GAS7: variants seen among roughly 807,000 people sequenced by gnomAD.
The protein encoded by GAS7 is growth arrest-specific protein 7.
GAS7 carries 28 observed loss-of-function variants against 71.1 expected under a neutral mutation model. That is an observed-to-expected ratio of 0.39 (90% CI 0.29 to 0.54). The LOEUF is 0.54. Ranked by LOEUF, GAS7 falls within the 20% of genes least tolerant of loss-of-function variation. The pLI, the probability that GAS7 is intolerant of heterozygous loss-of-function variation, is 0.62. For synonymous variants in GAS7, 258 were observed against 245.8 expected, an observed-to-expected ratio of 1.05 and a Z score of -0.46; for missense variants, 436 against 627.8, an observed-to-expected ratio of 0.69 and a Z score of 3.27.
rs1482702186 is a variant in GAS7 at position 10,041,174 on chromosome 17, A to AG, written c.184-21278_184-21277insC. On this transcript the variant is annotated intron_variant, in intron 1 of 13. Coordinates refer to ENST00000432992, the MANE Select transcript of GAS7 (RefSeq NM_201433.2). ...AAGACTGCCTAAAAAAAAAAAAAAAAAAGAAGAAGGTAAAAGCAAAACTTC... is the reference window on the plus strand; with the variant it reads ...AAGACTGCCTAAAAAAAAAAAAAAAAGAAGAAGAAGGTAAAAGCAAAACTTC... Among the ~76,000 whole-genome samples, 14 of 151,134 alleles carry AG rather than the reference A, an allele frequency of 9.3e-5. No individual in the cohort carries two copies. The East Asian group carries it at 1.2e-3, about 13-fold the overall frequency.
intron 1 of GAS7, among the ~76,000 whole-genome samples, chr17:10,180,850 A>G (rs2074408778): frequency 6.6e-6 from 1 of 152,052 alleles, no homozygotes; most frequent in Admixed American, 6.6e-5. Flanking sequence ...CATCGGCACC[A>G]TGAATGTCAG....
At chr17:10,101,352 C>G (rs1249489497) in intron 1 of GAS7, among the ~76,000 whole-genome samples, 6 of 152,226 alleles carry the variant, frequency 3.9e-5, no homozygotes, top group Admixed American at 3.9e-4. Context: ...GGACAGCCAA[C>G]CAGCAAGCAG....
Position 9,957,648 on chromosome 17 carries a change from A to G in GAS7, c.525+1554T>C, listed in dbSNP as rs1597543523. Among the ~76,000 whole-genome samples the G allele has an allele frequency of 2.9e-5, 4 of 138,294 alleles. No homozygotes were observed. In the South Asian group the frequency reaches 9.2e-4, roughly 32 times the overall value. 90.7% of individuals were successfully genotyped at this position (138,294 alleles called of 152,430 possible). On this transcript the variant is annotated intron_variant, in intron 5 of 13. Coordinates refer to ENST00000432992, the MANE Select transcript of GAS7 (RefSeq NM_201433.2). ...TGGAGAGCTCCTGCTGTGCCCCAGC[A>G]TTCTGGGGCATTTTGTGACAATTTG...
Position 10,019,877 on chromosome 17 carries a change from A to AG in GAS7, c.203dup (p.Pro69SerfsTer34). 2 of 1,613,854 alleles carry AG rather than the reference A, an allele frequency of 1.2e-6. No homozygotes were observed. Among genetic ancestry groups the AG allele is most frequent in the Non-Finnish European group, 1.7e-6 (2 of 1,179,900 alleles). On this transcript the variant is annotated frameshift_variant, in exon 2 of 14. Transcript: ENST00000432992. LOFTEE classifies it high-confidence loss of function. Reference sequence around the variant, plus strand: ...CCGTCTGGCTTTCTTCTCCCGGCGGAGGGGGGACCATTCCAGGCTTCTGTT... The same window carrying AG: ...CCGTCTGGCTTTCTTCTCCCGGCGGAGGGGGGGACCATTCCAGGCTTCTGTT...
chr17:10,112,711 C>T (rs2142067742), intron 1 of GAS7, among the ~76,000 whole-genome samples: 1 of 146,568 alleles, frequency 6.8e-6, no homozygotes, highest in East Asian at 2.0e-4. Context: ...TGCACTCCAG[C>T]CTGGGCCATG....
At chr17:10,168,748 G>T (rs1039013220) in intron 1 of GAS7, among the ~76,000 whole-genome samples, 1 of 151,126 alleles carries the variant, frequency 6.6e-6, no homozygotes, top group Non-Finnish European at 1.5e-5. Context: ...TGAGGCGGGC[G>T]GATCACAAGG....
chr17:10,005,678 T>C (rs1347871537), intron 2 of GAS7, among the ~76,000 whole-genome samples: 1 of 152,140 alleles, frequency 6.6e-6, no homozygotes, highest in Non-Finnish European at 1.5e-5. Flanking sequence ...TTTTAAGCAC[T>C]GTGTTCACAG....
intron 2 of GAS7, among the ~76,000 whole-genome samples, chr17:10,013,165 C>A (rs1370643264): frequency 1.3e-5 from 2 of 151,806 alleles, no homozygotes; most frequent in Admixed American, 6.6e-5. Flanking sequence ...TCCTTTCCAC[C>A]ACGTCAGAAT....
At chr17:10,114,350 T>G (rs2073840819) in intron 1 of GAS7, 1 of 152,178 alleles carries the variant, frequency 6.6e-6, no homozygotes, top group Admixed American at 6.6e-5. Context: ...TGCCCTGCCC[T>G]GCAATCTGGT....
intron 1 of GAS7, among the ~76,000 whole-genome samples, chr17:10,030,214 A>AG (rs992607105): frequency 6.6e-6 from 1 of 152,186 alleles, no homozygotes; most frequent in African/African-American, 2.4e-5. Context: ...ATTGGCCCCG[A>AG]GGGGGCAGTC....
At chr17:10,186,314 A>G (rs1437514479) in intron 1 of GAS7, among the ~76,000 whole-genome samples, 1 of 151,922 alleles carries the variant, frequency 6.6e-6, no homozygotes, top group Non-Finnish European at 1.5e-5. Flanking sequence ...ATGTTGGAGA[A>G]GCACAGATCT....
intron 2 of GAS7, among the ~76,000 whole-genome samples, chr17:10,008,950 C>A (rs1041440904): frequency 5.3e-5 from 8 of 152,060 alleles, no homozygotes; most frequent in South Asian, 2.1e-4. Context: ...TTTATTAACA[C>A]GGAATTATCA....
In GAS7 at chr17:10,046,792, G is replaced by GA. The variant is rs1385618775; in HGVS notation, c.184-26896_184-26895insT. On this transcript the variant is annotated intron_variant, in intron 1 of 13. Coordinates refer to ENST00000432992, the MANE Select transcript of GAS7 (RefSeq NM_201433.2). The stretch of plus-strand genomic sequence containing the variant: ...GAAGAGAAAGAAAGAAAGAAAGGAA[G>GA]GAAGGAAGGAAGGAAGGAAGGAAGG... Among the ~76,000 whole-genome samples, 15 of 63,600 alleles carry GA rather than the reference G, an allele frequency of 2.4e-4. 1 individual carries two copies. The highest frequency in any genetic ancestry group is 1.1e-3 in the African/African-American group (14 of 12,256). 41.7% of individuals were successfully genotyped at this position (63,600 alleles called of 152,430 possible).
rs2152225898 is a variant in GAS7, at chr17:10,038,133, G to A, written c.184-18236C>T. 2.0e-5 allele frequency among the ~76,000 whole-genome samples: 3 copies of A among 151,804 alleles called. 1 individual carries two copies. Among genetic ancestry groups the A allele is most frequent in the Non-Finnish European group, 1.5e-5 (1 of 67,966 alleles). On this transcript the variant is annotated intron_variant, in intron 1 of 13. Transcript: ENST00000432992. ...AGCACTGTGGGAGGCCAAGACGGGT[G>A]GATCACTTGAGGCCAGGAGTTCAAG...
intron 5 of GAS7, among the ~76,000 whole-genome samples, chr17:9,947,213 G>T (rs1369501828): frequency 6.6e-6 from 1 of 152,122 alleles, no homozygotes; most frequent in Non-Finnish European, 1.5e-5. Context: ...AGTTTACTAG[G>T]ATCAAAATTG....
intron 1 of GAS7, among the ~76,000 whole-genome samples, chr17:10,045,031 A>G (rs1307348490): frequency 7.6e-6 from 1 of 131,200 alleles, no homozygotes; most frequent in African/African-American, 3.2e-5. Flanking sequence ...ACAGAGCGAG[A>G]CTCCATCTCA....
At chr17:10,163,909 G>A (rs908011162) in intron 1 of GAS7, among the ~76,000 whole-genome samples, 16 of 152,324 alleles carry the variant, frequency 1.1e-4, no homozygotes, top group African/African-American at 3.4e-4. Flanking sequence ...ATTAGAGAAC[G>A]CAGATAACGT....
intron 6 of GAS7, among the ~76,000 whole-genome samples, chr17:9,946,617 C>T (rs572373009): frequency 1.3e-5 from 2 of 152,206 alleles, no homozygotes; most frequent in African/African-American, 2.4e-5. Context: ...CCTGCCTTCA[C>T]TGAGCATCGG....
Position 10,019,900 on chromosome 17 carries a change from G to A in GAS7, c.184-3C>T. On this transcript the variant is annotated splice_region_variant and splice_polypyrimidine_tract_variant and intron_variant, in intron 1 of 13. Transcript: ENST00000432992. ...GGAGGGGGGACCATTCCAGGCTTCT[G>A]TTGGAGAAGAAAGAAAAGGTCACAC... 1 of 1,613,134 alleles carries A rather than the reference G, an allele frequency of 6.2e-7. No individual in the cohort carries two copies. The highest frequency in any genetic ancestry group is 8.5e-7 in the Non-Finnish European group (1 of 1,179,828).
Sources: gnomAD v4.1 joint callset for allele counts (sites outside exome capture counted in the v4.1 genomes callset) on GRCh38, gnomAD v4.1.1 for gene constraint, MANE v1.5 for transcripts, NCBI Gene and HGNC (gene_info 2026-07-23, HGNC 2026-07-21) for gene names.